Variants in TJP1 observed in about 807,000 individuals in gnomAD.
TJP1 encodes tight junction protein 1.
A neutral mutation model predicts 194.2 loss-of-function variants in TJP1; 43 were observed. The observed-to-expected ratio is 0.22, with a 90% CI of 0.17 to 0.29. The LOEUF is 0.29. Ranked by LOEUF, TJP1 falls within the 10% of genes least tolerant of loss-of-function variation. The pLI, the probability that TJP1 is intolerant of heterozygous loss-of-function variation, is 1.00. For missense variants in TJP1, 1,971 were observed against 2,185.7 expected, an observed-to-expected ratio of 0.90 and a Z score of 1.96; for synonymous variants, 801 against 779.0, an observed-to-expected ratio of 1.03 and a Z score of -0.47.
chr15:29,915,802 C>T lies in TJP1; in HGVS notation c.306+40430G>A, dbSNP rs1301047758. Among the ~76,000 whole-genome samples the T allele has an allele frequency of 4.6e-5, 7 of 152,188 alleles. No individual in the cohort carries two copies. The East Asian group carries it at 9.7e-4, about 21-fold the overall frequency. On this transcript the variant is annotated intron_variant, in intron 2 of 28. Transcript: ENST00000356107. ...AATTTGAATGCAAAGTATGTAGCTA[C>T]TTTCTTTGTTTTGGTATATGGCAAT...
intron 2 of TJP1, among the ~76,000 whole-genome samples, chr15:29,932,139 CT>C (rs1442744939): frequency 3.1e-4 from 47 of 152,186 alleles, no homozygotes; most frequent in Non-Finnish European, 8.8e-5. Context: ...CTTTAACCGT[CT>C]GGGAATGCAG....
At chr15:29,857,556 A>G (rs950938045) in intron 2 of TJP1, among the ~76,000 whole-genome samples, 1 of 152,130 alleles carries the variant, frequency 6.6e-6, no homozygotes, top group African/African-American at 2.4e-5. Context: ...TTTTACAGAC[A>G]AATAAGAATA....
chr15:29,843,218 C>T (rs1197550873), intron 2 of TJP1, among the ~76,000 whole-genome samples: 4 of 147,092 alleles, frequency 2.7e-5, no homozygotes, highest in East Asian at 2.0e-4. Context: ...GACGGAGTTT[C>T]GCTCTTGTTG....
intron 17 of TJP1, 45 bp downstream of exon 17, chr15:29,726,736 C>T (rs1230521243): frequency 1.3e-6 from 2 of 1,571,886 alleles, no homozygotes; most frequent in Non-Finnish European, 1.7e-6. Context: ...CTTAATGTTG[C>T]CCAGACATTG....
intron 2 of TJP1, among the ~76,000 whole-genome samples, chr15:29,862,627 G>GC (rs1472882912): frequency 1.3e-5 from 2 of 148,678 alleles, no homozygotes; most frequent in Admixed American, 6.9e-5. Context: ...TGGGAGGTAG[G>GC]CAATAGGTTT....
intron 2 of TJP1, among the ~76,000 whole-genome samples, chr15:29,798,532 C>G (rs1479902159): frequency 6.6e-6 from 1 of 152,054 alleles, no homozygotes; most frequent in Non-Finnish European, 1.5e-5. Context: ...ATGCTCAACC[C>G]ATATCAAGTG....
intron 2 of TJP1, among the ~76,000 whole-genome samples, chr15:29,890,076 C>T (rs2053250005): frequency 6.6e-6 from 1 of 152,314 alleles, no homozygotes; most frequent in Admixed American, 6.5e-5. Flanking sequence ...TCAGATCTGG[C>T]TGTCAATGGC....
chr15:29,716,928 G>T (rs1300201652), intron 22 of TJP1, 90 bp from the exon 23 acceptor site: 11 of 1,120,536 alleles, frequency 9.8e-6, no homozygotes, highest in Non-Finnish European at 1.3e-5. Context: ...TTGACTAAAA[G>T]GTCAATAATT....
At chr15:29,842,433 G>A (rs1364340936) in intron 2 of TJP1, among the ~76,000 whole-genome samples, 2 of 49,002 alleles carry the variant, frequency 4.1e-5, no homozygotes, top group Non-Finnish European at 3.8e-5. Flanking sequence ...AACCAACCCT[G>A]GACAGTATGC....
chr15:29,872,106 A>G (rs1460239564), intron 2 of TJP1, among the ~76,000 whole-genome samples: 2 of 152,200 alleles, frequency 1.3e-5, no homozygotes, highest in Non-Finnish European at 2.9e-5. Flanking sequence ...TGGTGACTGC[A>G]GGAAGGCCTA....
intron 2 of TJP1, among the ~76,000 whole-genome samples, chr15:29,895,323 C>A (rs1036262013): frequency 6.6e-6 from 1 of 152,234 alleles, no homozygotes; most frequent in African/African-American, 2.4e-5. Flanking sequence ...AAGCACTCAA[C>A]AGACGCCAAC....
chr15:29,792,234 G>C (rs915423686), intron 2 of TJP1, among the ~76,000 whole-genome samples: 5 of 152,152 alleles, frequency 3.3e-5, no homozygotes, highest in African/African-American at 1.2e-4. Flanking sequence ...TCTTCTAGTA[G>C]TCTCATAACT....
At chr15:29,930,503 G>T (rs1406953615) in intron 2 of TJP1, among the ~76,000 whole-genome samples, 3 of 152,146 alleles carry the variant, frequency 2.0e-5, no homozygotes, top group African/African-American at 7.2e-5. Flanking sequence ...ACAGGTACAG[G>T]AAAATCACTC....
intron 2 of TJP1, among the ~76,000 whole-genome samples, chr15:29,933,997 A>G (rs1386973728): frequency 1.3e-5 from 2 of 151,870 alleles, no homozygotes; most frequent in Admixed American, 6.6e-5. Flanking sequence ...AAGCATCCAC[A>G]CTAAACTATA....
At chr15:29,911,814 A>C (rs563369905) in intron 2 of TJP1, among the ~76,000 whole-genome samples, 1 of 152,358 alleles carries the variant, frequency 6.6e-6, no homozygotes, top group African/African-American at 2.4e-5. Context: ...TTTGTTAAGC[A>C]TGCATTCCTC....
In TJP1 at chr15:29,871,683, C is replaced by T. The variant is rs114555499; in HGVS notation, c.307-70981G>A. Among the ~76,000 whole-genome samples, 615 of 152,342 alleles carry T rather than the reference C, an allele frequency of 4.0e-3. 11 individuals are homozygous for T. The highest frequency in any genetic ancestry group is 0.014 in the African/African-American group (595 of 41,580). On this transcript the variant is annotated intron_variant, in intron 2 of 28. Transcript: ENST00000356107. ...AAGCCGTCTTGGGCATACAGCCCCA[C>T]TGGGCATTCCCGTGAGTCCAGCCCT...
At chr15:29,762,636 G>A (rs913459977) in intron 5 of TJP1, among the ~76,000 whole-genome samples, 198 bp from the exon 6 acceptor site, 4 of 152,142 alleles carry the variant, frequency 2.6e-5, no homozygotes, top group Admixed American at 6.5e-5. Flanking sequence ...GAAAGCCAAG[G>A]GAAAGTGTAT....
At position 29,773,464 on chromosome 15, in the gene TJP1, T is replaced by C. The variant is rs1248970634; in HGVS notation, c.85-107A>G. On this transcript the variant is annotated intron_variant, in intron 2 of 27. Transcript: ENST00000614355. ...AAATATAAAAATTACAATCTTAATA[T>C]ATCTGTGATCCATAAACACTCACCT... 2.7e-6 allele frequency: 3 copies of C among 1,124,252 alleles called. No homozygotes were observed. In the Admixed American group the frequency reaches 6.4e-5, roughly 24 times the overall value. 69.6% of individuals were successfully genotyped at this position (1,124,252 alleles called of 1,614,324 possible). A position where few individuals can be genotyped will look rare whatever the true frequency, so the allele number is the denominator to read the frequency against.
chr15:29,949,916 TCCACCTTCACCACCACCACC>T (rs1567226820), intron 2 of TJP1, among the ~76,000 whole-genome samples: 1 of 29,946 alleles, frequency 3.3e-5, no homozygotes, highest in African/African-American at 2.0e-4. Context: ...CACCTCCACC[TCCACCTTCACCACCACCACC>T]ACCTCCACAA....
Sources: gnomAD v4.1 joint callset for allele counts (sites outside exome capture counted in the v4.1 genomes callset) on GRCh38, gnomAD v4.1.1 for gene constraint, MANE v1.5 for transcripts, NCBI Gene and HGNC (gene_info 2026-07-23, HGNC 2026-07-21) for gene names.